The following TJP1 variants were observed in gnomAD, a reference collection of about 807,000 sequenced individuals.
The protein encoded by TJP1 is tight junction protein 1.
Under a neutral mutation model 194.2 loss-of-function variants are expected in TJP1, and 43 were observed. That is an observed-to-expected ratio of 0.22 (90% CI 0.17 to 0.29). The LOEUF (loss-of-function observed/expected upper bound fraction) is 0.29, where lower values mean the gene tolerates loss of function less well. TJP1 is among the 10% of genes least tolerant of loss of function. TJP1 has a pLI of 1.00. For synonymous variants in TJP1, 801 were observed against 779.0 expected, an observed-to-expected ratio of 1.03 and a Z score of -0.47; for missense variants, 1,971 against 2,185.7, an observed-to-expected ratio of 0.90 and a Z score of 1.96.
intron 25 of TJP1, among the ~76,000 whole-genome samples, chr15:29,707,546 T>C (rs2041972905): frequency 2.0e-5 from 3 of 152,158 alleles, no homozygotes; most frequent in African/African-American, 2.4e-5. Flanking sequence ...TCCTGACCTT[T>C]GGTTCTCCCT....
At chr15:29,810,755 A>G (rs554382233) in intron 1 of TJP1, among the ~76,000 whole-genome samples, 1 of 152,302 alleles carries the variant, frequency 6.6e-6, no homozygotes, top group Non-Finnish European at 1.5e-5. Flanking sequence ...TGAGGAGAAG[A>G]GACAGCTATG....
intron 2 of TJP1, among the ~76,000 whole-genome samples, chr15:29,950,754 G>C (rs1052433113): frequency 6.6e-6 from 1 of 152,138 alleles, no homozygotes; most frequent in Non-Finnish European, 1.5e-5. Context: ...CCAGCCAGGC[G>C]CCCATGGTGG....
chr15:29,722,439 C>T (rs1462269569), intron 18 of TJP1, among the ~76,000 whole-genome samples: 1 of 152,214 alleles, frequency 6.6e-6, no homozygotes, highest in African/African-American at 2.4e-5. Context: ...TGGCAGCTTC[C>T]ACATGATGCT....
chr15:29,949,265 A>T (rs1423259378), intron 2 of TJP1, among the ~76,000 whole-genome samples: 2 of 105,320 alleles, frequency 1.9e-5, no homozygotes, highest in East Asian at 3.3e-4. Context: ...CTCCACCACC[A>T]CCACCTCCAT....
intron 2 of TJP1, among the ~76,000 whole-genome samples, chr15:29,878,078 GTC>G (rs1178922400): frequency 2.0e-5 from 3 of 149,450 alleles, no homozygotes; most frequent in Non-Finnish European, 4.5e-5. Flanking sequence ...TTGAGACGGA[GTC>G]TTGCTCTTGC....
At chr15:29,845,790 G>A (rs967132348) in intron 2 of TJP1, among the ~76,000 whole-genome samples, 14 of 152,188 alleles carry the variant, frequency 9.2e-5, no homozygotes, top group South Asian at 4.1e-4. Flanking sequence ...GTGACAGGGC[G>A]AGACTCCATC....
At chr15:29,780,983 A>C (rs2047336451) in intron 2 of TJP1, among the ~76,000 whole-genome samples, 1 of 152,202 alleles carries the variant, frequency 6.6e-6, no homozygotes, top group Non-Finnish European at 1.5e-5. Context: ...GAAGACAAAA[A>C]ATAACAAAAA....
chr15:29,822,273 G>A lies in TJP1; in HGVS notation c.-245C>T, dbSNP rs2050446527. ...CGACCGGCACCTCCCTCCGAGCGCG[G>A]CCACCCACTCGGCCTCCCGCAGCTT... On this transcript the variant is annotated 5_prime_UTR_variant, in exon 1 of 28. Transcript: ENST00000614355. 8 of 1,154,664 alleles carry A rather than the reference G, an allele frequency of 6.9e-6. No individual in the cohort carries two copies. The East Asian group carries it at 3.1e-4, about 45-fold the overall frequency. The allele number at this position is 1,154,664 out of a possible 1,614,324, so 71.5% of individuals were successfully genotyped here. A position where few individuals can be genotyped will look rare whatever the true frequency, so the allele number is the denominator to read the frequency against.
rs530529816 is a variant in TJP1 at position 29,805,731 on chromosome 15, A to G, written c.28-5029T>C. Among the ~76,000 whole-genome samples, 88 of 152,326 alleles carry G rather than the reference A, an allele frequency of 5.8e-4. No homozygotes were observed. The Middle Eastern group carries it at 0.017, about 29-fold the overall frequency. On this transcript the variant is annotated intron_variant, in intron 1 of 27. Transcript: ENST00000614355. ...ATATGAGCTTTTTGCACCAAAATAAATAACTTTTGCACCACATAGATAAGA... is the reference window on the plus strand; with the variant it reads ...ATATGAGCTTTTTGCACCAAAATAAGTAACTTTTGCACCACATAGATAAGA...
intron 2 of TJP1, among the ~76,000 whole-genome samples, chr15:29,881,272 T>C (rs1438183849): frequency 6.6e-6 from 1 of 152,250 alleles, no homozygotes; most frequent in Non-Finnish European, 1.5e-5. Context: ...TCAAGTCCTT[T>C]GCCCGTTTTT....
chr15:29,896,556 A>C (rs184596154), intron 2 of TJP1, among the ~76,000 whole-genome samples: 1 of 152,342 alleles, frequency 6.6e-6, no homozygotes, highest in East Asian at 1.9e-4. Context: ...GCAACTTTGG[A>C]ACTGGGTTAA....
At chr15:29,867,460 T>C (rs528365809) in intron 2 of TJP1, among the ~76,000 whole-genome samples, 1 of 152,322 alleles carries the variant, frequency 6.6e-6, no homozygotes, top group African/African-American at 2.4e-5. Context: ...GGCTCCAACG[T>C]GGCCCATGTG....
At chr15:29,730,568 G>T (rs185756619) in intron 15 of TJP1, 122 of 498,326 alleles carry the variant, frequency 2.4e-4, no homozygotes, top group Admixed American at 3.3e-4. Context: ...CTGCACTCCT[G>T]CCTGGGCAAG....
intron 2 of TJP1, among the ~76,000 whole-genome samples, chr15:29,780,465 G>T (rs1392327436): frequency 2.0e-5 from 3 of 152,050 alleles, no homozygotes; most frequent in Non-Finnish European, 2.9e-5. Context: ...AATGGGGGGT[G>T]GCTGCACATA....
At chr15:29,834,978 C>G (rs950611529) in intron 2 of TJP1, among the ~76,000 whole-genome samples, 1 of 152,168 alleles carries the variant, frequency 6.6e-6, no homozygotes, top group Non-Finnish European at 1.5e-5. Context: ...CAGAAAGAAC[C>G]TGATGGAAAT....
intron 1 of TJP1, among the ~76,000 whole-genome samples, chr15:29,811,757 A>C (rs1310046630): frequency 6.6e-6 from 1 of 152,168 alleles, no homozygotes; most frequent in African/African-American, 2.4e-5. Context: ...CTACAGGCTG[A>C]TTGATCTTTG....
At chr15:29,894,176 T>C (rs1270909138) in intron 2 of TJP1, among the ~76,000 whole-genome samples, 2 of 152,124 alleles carry the variant, frequency 1.3e-5, no homozygotes, top group Non-Finnish European at 2.9e-5. Flanking sequence ...TATGCAAAAT[T>C]GGCCAGGCGT....
chr15:29,802,828 T>C (rs2048876026), intron 1 of TJP1, among the ~76,000 whole-genome samples: 1 of 152,200 alleles, frequency 6.6e-6, no homozygotes, highest in East Asian at 1.9e-4. Context: ...TACTGCCTTT[T>C]TAATCTTTTT....
chr15:29,827,838 C>T (rs985430292), intron 2 of TJP1, among the ~76,000 whole-genome samples: 1 of 152,152 alleles, frequency 6.6e-6, no homozygotes, highest in Non-Finnish European at 1.5e-5. Flanking sequence ...TCTGAGTCCA[C>T]CTCTTCCTGC....
Sources: gnomAD v4.1 joint callset for allele counts (sites outside exome capture counted in the v4.1 genomes callset) on GRCh38, gnomAD v4.1.1 for gene constraint, MANE v1.5 for transcripts, NCBI Gene and HGNC (gene_info 2026-07-23, HGNC 2026-07-21) for gene names.